MDGA2: variants seen among roughly 807,000 people sequenced by gnomAD.
MDGA2 encodes MAM domain containing glycosylphosphatidylinositol anchor 2.
Under a neutral mutation model 117.8 loss-of-function variants are expected in MDGA2, and 40 were observed. That is an observed-to-expected ratio of 0.34 (90% confidence interval 0.26 to 0.44). MDGA2 has a LOEUF of 0.44. Among genes scored for constraint, MDGA2 ranks in the 20% least tolerant of loss-of-function variants. The pLI is 1.00. For synonymous variants in MDGA2, 452 were observed against 439.0 expected (o/e 1.03, Z -0.37); for missense variants, 1,123 against 1,250.6 (o/e 0.90, Z 1.54).
At chr14:47,663,508 C>G (rs367680179) in intron 1 of MDGA2, among the ~76,000 whole-genome samples, 33 of 152,292 alleles carry the variant, frequency 2.2e-4, no homozygotes, top group African/African-American at 7.7e-4. Flanking sequence ...CTTCCGCCCT[C>G]CAAAAATAGA....
chr14:46,967,203 A>T (rs766842901), intron 8 of MDGA2, among the ~76,000 whole-genome samples: 10 of 152,268 alleles, frequency 6.6e-5, no homozygotes, highest in Admixed American at 3.3e-4. Flanking sequence ...TTGAAAGAGG[A>T]GTTGAAACAG....
chr14:46,969,799 G>A (rs543915164), intron 8 of MDGA2, among the ~76,000 whole-genome samples: 2 of 151,750 alleles, frequency 1.3e-5, no homozygotes, highest in African/African-American at 4.8e-5. Flanking sequence ...TAGGGGGAAG[G>A]GGGAGGGATA....
intron 2 of MDGA2, among the ~76,000 whole-genome samples, chr14:47,296,203 A>AT (rs1889068340): frequency 1.3e-5 from 2 of 152,210 alleles, no homozygotes; most frequent in South Asian, 4.1e-4. Context: ...TTTCCTGATG[A>AT]TTAAATTGTC....
intron 1 of MDGA2, among the ~76,000 whole-genome samples, chr14:47,624,502 T>C (rs1897106390): frequency 6.6e-6 from 1 of 152,150 alleles, no homozygotes; most frequent in African/African-American, 2.4e-5. Flanking sequence ...ATGATAACTC[T>C]TTTCTATTTA....
chr14:46,848,377 T>C (rs1220633458), intron 15 of MDGA2, among the ~76,000 whole-genome samples: 1 of 151,966 alleles, frequency 6.6e-6, no homozygotes, highest in Non-Finnish European at 1.5e-5. Context: ...ATGGGAGTCA[T>C]ATAAAATGGT....
chr14:47,347,117 G>A (rs1273259376), intron 1 of MDGA2, among the ~76,000 whole-genome samples: 1 of 152,138 alleles, frequency 6.6e-6, no homozygotes, highest in Non-Finnish European at 1.5e-5. Context: ...GTAAGTAGGG[G>A]ACCAACTAAA....
At chr14:46,993,793 T>C (rs1887184176) in intron 8 of MDGA2, among the ~76,000 whole-genome samples, 1 of 152,162 alleles carries the variant, frequency 6.6e-6, no homozygotes, top group Admixed American at 6.6e-5. Flanking sequence ...GGATCCATAC[T>C]GGCTATCTTT....
chr14:47,186,758 T>C (rs1023982798), intron 3 of MDGA2, among the ~76,000 whole-genome samples: 9 of 151,952 alleles, frequency 5.9e-5, no homozygotes, highest in African/African-American at 2.2e-4. Flanking sequence ...ATTTAATCCT[T>C]CTCAAATTAC....
Position 47,592,378 on chromosome 14 carries a change from T to TA in MDGA2, c.280+82138dup, listed in dbSNP as rs557268495. Reference sequence around the variant, plus strand: ...ACTACCATTGCCATTCTTTACAGAATAAAAAAAAAACTTTAAAATTCATAC... The same window carrying TA: ...ACTACCATTGCCATTCTTTACAGAATAAAAAAAAAAACTTTAAAATTCATAC... On this transcript the variant is annotated intron_variant, in intron 1 of 16. Transcript: ENST00000399232. 1.3e-3 allele frequency among the ~76,000 whole-genome samples: 187 copies of TA among 148,002 alleles called. 2 individuals carry two copies. The highest frequency in any genetic ancestry group is 0.01 in the Middle Eastern group (3 of 292).
At chr14:47,278,748 A>G (rs1177374221) in intron 2 of MDGA2, among the ~76,000 whole-genome samples, 1 of 152,244 alleles carries the variant, frequency 6.6e-6, no homozygotes, top group Non-Finnish European at 1.5e-5. Context: ...GAAACAAGAA[A>G]TGTATATAAT....
At chr14:47,149,268 G>T (rs1883069652) in intron 3 of MDGA2, among the ~76,000 whole-genome samples, 1 of 151,812 alleles carries the variant, frequency 6.6e-6, no homozygotes, top group Non-Finnish European at 1.5e-5. Flanking sequence ...CCAACCTGGG[G>T]GACAGAGTGA....
intron 2 of MDGA2, among the ~76,000 whole-genome samples, chr14:47,279,648 T>C (rs1235740468): frequency 6.6e-6 from 1 of 152,062 alleles, no homozygotes; most frequent in African/African-American, 2.4e-5. Flanking sequence ...CCCTATCCTG[T>C]GATTTTTTTT....
intron 1 of MDGA2, among the ~76,000 whole-genome samples, chr14:47,524,978 A>G (rs1388171118): frequency 3.9e-5 from 6 of 152,214 alleles, no homozygotes; most frequent in African/African-American, 1.2e-4. Flanking sequence ...CTCACATTCA[A>G]TTTAAGAATA....
At chr14:46,938,870 A>C (rs1373349535) in intron 9 of MDGA2, among the ~76,000 whole-genome samples, 2 of 152,200 alleles carry the variant, frequency 1.3e-5, no homozygotes, top group Non-Finnish European at 2.9e-5. Context: ...CTTAGTATCC[A>C]TTAAGGGATG....
intron 10 of MDGA2, among the ~76,000 whole-genome samples, chr14:46,901,253 C>G (rs1883274832): frequency 6.6e-6 from 1 of 151,908 alleles, no homozygotes; most frequent in Non-Finnish European, 1.5e-5. Context: ...TTAATGGGTG[C>G]AGCACACCAA....
chr14:47,408,791 AG>A (rs1311003177), intron 1 of MDGA2, among the ~76,000 whole-genome samples: 1 of 152,188 alleles, frequency 6.6e-6, no homozygotes, highest in Non-Finnish European at 1.5e-5. Flanking sequence ...GTAAGGTTAG[AG>A]GGGTCAGGAA....
At chr14:47,167,957 TA>T (rs1883954230) in intron 3 of MDGA2, among the ~76,000 whole-genome samples, 1 of 152,180 alleles carries the variant, frequency 6.6e-6, no homozygotes, top group Non-Finnish European at 1.5e-5. Flanking sequence ...TTCCATTTGA[TA>T]AAATGTACAA....
chr14:46,932,055 T>C (rs887291947), intron 9 of MDGA2, among the ~76,000 whole-genome samples: 3 of 152,124 alleles, frequency 2.0e-5, no homozygotes, highest in African/African-American at 4.8e-5. Context: ...TTATGTTTTT[T>C]ACAGTACTCA....
intron 8 of MDGA2, among the ~76,000 whole-genome samples, chr14:46,967,082 G>A (rs1037976859): frequency 7.1e-6 from 1 of 140,872 alleles, no homozygotes; most frequent in Non-Finnish European, 1.6e-5. Context: ...ATAAATAATA[G>A]AACCTTCAAA....
Sources: allele counts gnomAD v4.1 joint callset (sites outside exome capture counted in the v4.1 genomes callset), GRCh38; gene constraint gnomAD v4.1.1; transcripts MANE v1.5; gene names NCBI Gene and HGNC (gene_info 2026-07-23, HGNC 2026-07-21).